GMDS: variants seen among roughly 807,000 people sequenced by gnomAD.
GMDS encodes the protein GDP-mannose 4,6-dehydratase.
GMDS carries 20 observed loss-of-function variants against 49.9 expected under a neutral mutation model. The ratio of observed to expected loss-of-function variants is 0.40; its 90% CI spans 0.28 to 0.58. The LOEUF is 0.58. Ranked by LOEUF, GMDS falls within the 20% of genes least tolerant of loss-of-function variation. GMDS has a pLI of 0.42. For missense variants in GMDS, 362 were observed against 481.4 expected (o/e 0.75, Z 2.32); for synonymous variants, 177 against 178.6 (o/e 0.99, Z 0.07).
intron 1 of GMDS, among the ~76,000 whole-genome samples, chr6:2,131,801 C>CTT (rs59213948): frequency 1.1e-4 from 16 of 142,910 alleles, no homozygotes; most frequent in Admixed American, 6.2e-4. Context: ...ACTGGTTTTC[C>CTT]TTTTTTTTTT....
intron 9 of GMDS, among the ~76,000 whole-genome samples, chr6:1,694,922 G>C (rs1207246578): frequency 6.6e-6 from 1 of 152,208 alleles, no homozygotes; most frequent in South Asian, 2.1e-4. Flanking sequence ...GAAGGTGTTT[G>C]TCTAACGTTC....
intron 7 of GMDS, among the ~76,000 whole-genome samples, chr6:1,902,914 T>C (rs1760571711): frequency 6.6e-6 from 1 of 152,186 alleles, no homozygotes; most frequent in African/African-American, 2.4e-5. Flanking sequence ...CTGGGGAAAG[T>C]TGAATTTTCC....
chr6:2,185,446 C>T (rs1778736920), intron 1 of GMDS, among the ~76,000 whole-genome samples: 1 of 152,168 alleles, frequency 6.6e-6, no homozygotes, highest in African/African-American at 2.4e-5. Context: ...AAAATAATTA[C>T]TTCTAAATTG....
chr6:2,003,241 T>C (rs1766944543), intron 4 of GMDS, among the ~76,000 whole-genome samples: 1 of 152,186 alleles, frequency 6.6e-6, no homozygotes, highest in Admixed American at 6.5e-5. Flanking sequence ...AGGAGGATGA[T>C]GATACCATAT....
At chr6:1,944,234 T>C in intron 6 of GMDS, among the ~76,000 whole-genome samples, 1 of 152,084 alleles carries the variant, frequency 6.6e-6, no homozygotes, top group Non-Finnish European at 1.5e-5. Flanking sequence ...CAGCTGGGCG[T>C]TGGGGCTCAT....
At chr6:1,725,454 G>A (rs1378045239) in intron 9 of GMDS, among the ~76,000 whole-genome samples, 2 of 151,038 alleles carry the variant, frequency 1.3e-5, no homozygotes, top group East Asian at 1.9e-4. Context: ...TTTTTGAGAC[G>A]GAGTTTCACT....
rs921409594 is a variant in GMDS, at chr6:2,245,557, G to A, written c.-135C>T. 1 of 449,482 alleles carries A rather than the reference G, an allele frequency of 2.2e-6. No individual in the cohort carries two copies. Among genetic ancestry groups the A allele is most frequent in the Admixed American group, 4.6e-5 (1 of 21,676 alleles). 27.8% of individuals were successfully genotyped at this position (449,482 alleles called of 1,614,324 possible). Reference sequence around the variant, plus strand: ...GGCAGGGAGGGAGAGCGCACCGCGCGACCGGCCGCCACAGTCTGACAGGGG... The same window carrying A: ...GGCAGGGAGGGAGAGCGCACCGCGCAACCGGCCGCCACAGTCTGACAGGGG... On this transcript the variant is annotated 5_prime_UTR_variant, in exon 1 of 11. Coordinates refer to ENST00000380815, the MANE Select transcript of GMDS (RefSeq NM_001500.4).
intron 9 of GMDS, among the ~76,000 whole-genome samples, chr6:1,665,919 G>A (rs780049026): frequency 2.0e-5 from 3 of 152,170 alleles, no homozygotes; most frequent in Non-Finnish European, 4.4e-5. Flanking sequence ...GTTTGGATTT[G>A]GTATGTCAAG....
intron 9 of GMDS, among the ~76,000 whole-genome samples, chr6:1,663,441 T>C (rs1404668461): frequency 6.6e-6 from 1 of 152,142 alleles, no homozygotes; most frequent in Non-Finnish European, 1.5e-5. Context: ...AGCTATCATC[T>C]CTCCTAGAAG....
intron 9 of GMDS, among the ~76,000 whole-genome samples, chr6:1,710,749 C>T (rs555374086): frequency 5.9e-4 from 90 of 152,284 alleles, no homozygotes; most frequent in Middle Eastern, 3.4e-3. Context: ...GCTCAATGTC[C>T]AGGTCCTAAG....
intron 7 of GMDS, among the ~76,000 whole-genome samples, chr6:1,890,943 A>C (rs893153817): frequency 2.6e-5 from 4 of 152,122 alleles, no homozygotes; most frequent in Non-Finnish European, 1.5e-5. Flanking sequence ...ATCCATTTTG[A>C]GTTAATTTTT....
chr6:2,237,805 A>G (rs575281143), intron 1 of GMDS, among the ~76,000 whole-genome samples: 5 of 152,240 alleles, frequency 3.3e-5, no homozygotes, highest in African/African-American at 4.8e-5. Context: ...TACAGGCATG[A>G]GCCACCTCGC....
chr6:1,678,780 C>T (rs1764699494), intron 9 of GMDS, among the ~76,000 whole-genome samples: 1 of 151,998 alleles, frequency 6.6e-6, no homozygotes, highest in Non-Finnish European at 1.5e-5. Context: ...TTTCCTGTGC[C>T]AAAATATATT....
chr6:2,012,608 A>C (rs1017426852), intron 4 of GMDS, among the ~76,000 whole-genome samples: 8 of 152,200 alleles, frequency 5.3e-5, no homozygotes, highest in Non-Finnish European at 5.9e-5. Flanking sequence ...AGGGCAAACA[A>C]CCACATTAAA....
At chr6:2,092,365 T>C (rs1289552498) in intron 4 of GMDS, among the ~76,000 whole-genome samples, 1 of 152,128 alleles carries the variant, frequency 6.6e-6, no homozygotes, top group African/African-American at 2.4e-5. Context: ...CAATTTTCCC[T>C]GACATCACTC....
At chr6:1,633,735 G>A (rs9378642) in intron 9 of GMDS, among the ~76,000 whole-genome samples, 5,610 of 152,264 alleles carry the variant, frequency 0.037, 426 homozygotes, top group East Asian at 0.24. Context: ...CATGGGGAGT[G>A]ACGGGGAGAG....
chr6:2,057,963 T>C (rs2127443744), intron 4 of GMDS, among the ~76,000 whole-genome samples: 1 of 152,272 alleles, frequency 6.6e-6, no homozygotes, highest in Middle Eastern at 3.4e-3. Context: ...AGCACGGGTC[T>C]AGAGGCACTT....
At chr6:1,668,401 A>C (rs1335675539) in intron 9 of GMDS, among the ~76,000 whole-genome samples, 1 of 152,234 alleles carries the variant, frequency 6.6e-6, no homozygotes, top group African/African-American at 2.4e-5. Flanking sequence ...ATTAGGTAGA[A>C]AATGTAATAT....
intron 2 of GMDS, among the ~76,000 whole-genome samples, chr6:2,119,277 A>C (rs913236144): frequency 6.6e-6 from 1 of 152,214 alleles, no homozygotes; most frequent in Non-Finnish European, 1.5e-5. Flanking sequence ...AAAAATATTA[A>C]ATGATTTTGA....
Sources: allele counts gnomAD v4.1 joint callset (sites outside exome capture counted in the v4.1 genomes callset), GRCh38; gene constraint gnomAD v4.1.1; transcripts MANE v1.5; gene names NCBI Gene and HGNC (gene_info 2026-07-23, HGNC 2026-07-21).